The following DNMBP variants were observed in gnomAD, a reference collection of about 807,000 sequenced individuals.
DNMBP encodes dynamin-binding protein.
DNMBP carries 87 observed loss-of-function variants against 150.0 expected under a neutral mutation model. The ratio of observed to expected loss-of-function variants is 0.58; its 90% CI spans 0.49 to 0.69. The LOEUF is 0.69. Among genes scored for constraint, DNMBP ranks in the 30% least tolerant of loss-of-function variants. The probability of loss-of-function intolerance (pLI) is 0.00; values close to 1 mark genes in which losing one functional copy is unlikely to be tolerated. For missense variants in DNMBP, 1,774 were observed against 1,949.0 expected (o/e 0.91, Z 1.69); for synonymous variants, 711 against 750.4 (o/e 0.95, Z 0.86).
At chr10:99,974,478 C>T (rs907536658) in intron 1 of DNMBP, among the ~76,000 whole-genome samples, 1 of 152,160 alleles carries the variant, frequency 6.6e-6, no homozygotes, top group Non-Finnish European at 1.5e-5. Flanking sequence ...TGAAGATCAC[C>T]AGAGTATCCA....
At chr10:99,941,950 CTG>C (rs1193548403) in intron 4 of DNMBP, among the ~76,000 whole-genome samples, 1 of 152,166 alleles carries the variant, frequency 6.6e-6, no homozygotes, top group Non-Finnish European at 1.5e-5. Context: ...AGCCTCTGCC[CTG>C]TGTCTCTTCT....
intron 11 of DNMBP, among the ~76,000 whole-genome samples, chr10:99,891,926 AGCCCCCTGCCCG>A (rs1393523484): frequency 1.4e-5 from 2 of 138,748 alleles, no homozygotes; most frequent in Non-Finnish European, 3.1e-5. Flanking sequence ...TGGGGGGGTC[AGCCCCCTGCCCG>A]GCCAGCCGCC....
intron 1 of DNMBP, among the ~76,000 whole-genome samples, chr10:99,997,759 CA>C (rs1448615231): frequency 6.6e-6 from 1 of 151,592 alleles, no homozygotes; most frequent in Non-Finnish European, 1.5e-5. Flanking sequence ...CCAGCCTGGG[CA>C]ACATGGCAAA....
Position 99,879,859 on chromosome 10 carries a change from C to T in DNMBP, c.4500G>A (p.Pro1500=), listed in dbSNP as rs77307082. 4.7e-3 allele frequency: 7,612 copies of T among 1,614,234 alleles called. 195 individuals carry two copies. In the East Asian group the frequency reaches 0.081, roughly 17 times the overall value. ...VKGCARTAQA[P]EDRSTEPDGS... is the part of the protein sequence containing the mutation. ...CATCTGGCTCTGTACTTCTGTCTTC[C>T]GGAGCCTGGGCTGTTCTTGCACATC... The change falls in exon 16 of 17, where the codon CCG becomes CCA. Residue 1500 remains proline (P), a synonymous_variant. Coordinates refer to ENST00000324109, the MANE Select transcript of DNMBP (RefSeq NM_015221.4).
chr10:99,898,430 T>G (rs1327017175), intron 8 of DNMBP, 145 bp from the exon 9 acceptor site: 4 of 734,794 alleles, frequency 5.4e-6, no homozygotes, highest in Non-Finnish European at 4.8e-6. Flanking sequence ...TCCTAAATAT[T>G]GCTCTCTATT....
At chr10:99,887,200 G>A (rs924416573) in intron 12 of DNMBP, among the ~76,000 whole-genome samples, 4 of 151,804 alleles carry the variant, frequency 2.6e-5, no homozygotes, top group Non-Finnish European at 5.9e-5. Context: ...GGGATTACAG[G>A]AGTCAGCCAC....
At chr10:99,930,547 G>C (rs759259631) in intron 4 of DNMBP, 11 of 702,798 alleles carry the variant, frequency 1.6e-5, no homozygotes, top group Middle Eastern at 2.3e-4. Flanking sequence ...GGTTCACTCT[G>C]TTCAAAATCC....
chr10:99,978,706 A>G (rs774284029), intron 1 of DNMBP, among the ~76,000 whole-genome samples: 6 of 151,962 alleles, frequency 3.9e-5, no homozygotes, highest in Non-Finnish European at 5.9e-5. Flanking sequence ...AGCCTCCTGA[A>G]TATCTGCGAT....
intron 4 of DNMBP, among the ~76,000 whole-genome samples, chr10:99,920,797 A>G (rs184961094): frequency 1.4e-4 from 21 of 152,116 alleles, no homozygotes; most frequent in Admixed American, 5.2e-4. Context: ...GGCTCAAGCA[A>G]TCCTCCCAAG....
At position 99,956,833 on chromosome 10, in the gene DNMBP, G is replaced by A. The variant is rs373777411; in HGVS notation, c.641C>T (p.Ser214Phe). ...PLRTVDESVS[S>F]GNQDDCIVNG... ...AACAATGCAGTCATCTTGATTTCCA[G>A]AACTTACTGACTCATCCACAGTCCT... The change falls in exon 4 of 17, where the codon TCT becomes TTT. Residue 214 changes from serine to phenylalanine, a missense_variant. By Grantham distance (155) the Ser-to-Phe change is radical. Transcript: ENST00000324109. 31 of 1,613,970 alleles carry A rather than the reference G, an allele frequency of 1.9e-5. No individual in the cohort carries two copies. The highest frequency in any genetic ancestry group is 2.5e-5 in the Non-Finnish European group (29 of 1,180,024).
rs533077986 is a variant in DNMBP at position 99,890,849 on chromosome 10, G to A, written c.3157-1896C>T. 5.3e-5 allele frequency among the ~76,000 whole-genome samples: 8 copies of A among 152,244 alleles called. No individual in the cohort carries two copies. In the East Asian group the frequency reaches 5.8e-4, roughly 11 times the overall value. ...TTTAGTAGAGACAGGGTTTCACCAC[G>A]TTGGCCAGGTTGGTCTCAAACTCCT... is the stretch of plus-strand genomic sequence containing the variant. On this transcript the variant is annotated intron_variant, in intron 11 of 16. Transcript: ENST00000324109.
chr10:99,914,336 T>C (rs2039937734), intron 4 of DNMBP, among the ~76,000 whole-genome samples: 1 of 152,208 alleles, frequency 6.6e-6, no homozygotes, highest in Non-Finnish European at 1.5e-5. Context: ...TAAGCCTTTT[T>C]GTTGTTGTTT....
At position 99,956,176 on chromosome 10, in the gene DNMBP, A is replaced by G. The variant is rs1295778931; in HGVS notation, c.1298T>C (p.Val433Ala). The G allele has an allele frequency of 6.2e-7, 1 of 1,613,986 alleles. No individual in the cohort carries two copies. Among genetic ancestry groups the G allele is most frequent in the Non-Finnish European group, 8.5e-7 (1 of 1,180,028 alleles). ...NLQKSQYYST[V>A]GGSHPHSEQY... ...TTCTGAGTGCGGGTGGCTCCCTCCC[A>G]CTGTAGAATAATACTGGCTTTTCTG... The change falls in exon 4 of 17, where the codon GTG (valine) becomes GCG (alanine). Residue 433 changes from valine to alanine, a missense_variant. By Grantham distance (64) the Val-to-Ala change is moderately conservative. Transcript: ENST00000324109.
chr10:99,969,155 T>C lies in DNMBP; in HGVS notation c.228A>G (p.Glu76=). ...GATTATCCAACTCTTGGGATGTGAA[T>C]TCACAAATGCACACAAACAGCCTCT... ...EGERLFVCIC[E]FTSQELDNLP... is the part of the protein sequence containing the mutation. The change falls in exon 3 of 17, where the codon GAA becomes GAG. Residue 76 remains glutamate (E), a synonymous_variant. Coordinates refer to ENST00000324109, the MANE Select transcript of DNMBP (RefSeq NM_015221.4). 1 of 1,614,144 alleles carries C rather than the reference T, an allele frequency of 6.2e-7. No individual in the cohort carries two copies. Among genetic ancestry groups the C allele is most frequent in the Non-Finnish European group, 8.5e-7 (1 of 1,180,004 alleles).
At chr10:99,919,263 T>C (rs1283439476) in intron 4 of DNMBP, among the ~76,000 whole-genome samples, 1 of 152,214 alleles carries the variant, frequency 6.6e-6, no homozygotes, top group Non-Finnish European at 1.5e-5. Flanking sequence ...CATAAAAGCA[T>C]GGCCATTTCC....
chr10:99,972,961 T>C (rs1206596068), intron 1 of DNMBP, among the ~76,000 whole-genome samples: 1 of 152,112 alleles, frequency 6.6e-6, no homozygotes, highest in Non-Finnish European at 1.5e-5. Flanking sequence ...TTTGTATTTT[T>C]AGTAGAGACA....
chr10:99,999,977 T>C (rs2040992261), intron 1 of DNMBP, among the ~76,000 whole-genome samples: 2 of 152,232 alleles, frequency 1.3e-5, no homozygotes, highest in Admixed American at 6.5e-5. Flanking sequence ...CAGGATAGAC[T>C]GGGTGTGTGA....
At chr10:100,004,257 A>T (rs1180325269) in intron 1 of DNMBP, among the ~76,000 whole-genome samples, 1 of 150,084 alleles carries the variant, frequency 6.7e-6, no homozygotes, top group Non-Finnish European at 1.5e-5. Context: ...AAGAAAAAAT[A>T]TATATATATA....
At chr10:99,996,672 T>A (rs916153374) in intron 1 of DNMBP, among the ~76,000 whole-genome samples, 1 of 152,250 alleles carries the variant, frequency 6.6e-6, no homozygotes, top group Non-Finnish European at 1.5e-5. Flanking sequence ...GTCTTTCTTT[T>A]TCTAGTTTAG....
Sources: gnomAD v4.1 joint callset for allele counts (sites outside exome capture counted in the v4.1 genomes callset) on GRCh38, gnomAD v4.1.1 for gene constraint, MANE v1.5 for transcripts, NCBI Gene and HGNC (gene_info 2026-07-23, HGNC 2026-07-21) for gene names.